SENP2: variants seen among roughly 807,000 people sequenced by gnomAD.
SENP2 encodes sentrin-specific protease 2.
A neutral mutation model predicts 86.3 loss-of-function variants in SENP2; 16 were observed. The ratio of observed to expected loss-of-function variants is 0.19; its 90% confidence interval spans 0.13 to 0.28. The LOEUF is 0.28. SENP2 is among the 10% of genes least tolerant of loss of function. SENP2 has a pLI of 1.00. For missense variants in SENP2, 552 were observed against 703.0 expected, an observed-to-expected ratio of 0.79 and a Z score of 2.43; for synonymous variants, 222 against 238.7, an observed-to-expected ratio of 0.93 and a Z score of 0.64.
intron 12 of SENP2, among the ~76,000 whole-genome samples, chr3:185,618,667 A>T (rs1711716214): frequency 6.6e-6 from 1 of 152,136 alleles, no homozygotes. Context: ...TCACGAGGTC[A>T]GGAGACCGAG....
At chr3:185,613,532 T>A in intron 10 of SENP2, 124 bp downstream of exon 10, 4 of 582,886 alleles carry the variant, frequency 6.9e-6, no homozygotes, top group Admixed American at 3.2e-5. Flanking sequence ...TGTTTTTCTT[T>A]AAAAAAGCAG....
At chr3:185,624,875 A>G (rs544304113) in intron 15 of SENP2, among the ~76,000 whole-genome samples, 41 of 152,096 alleles carry the variant, frequency 2.7e-4, no homozygotes, top group Admixed American at 5.9e-4. Flanking sequence ...CAAAAAAAAA[A>G]AAAAGAAAAA....
chr3:185,620,178 T>G (rs1197244507), intron 13 of SENP2, among the ~76,000 whole-genome samples: 2 of 152,124 alleles, frequency 1.3e-5, no homozygotes, highest in South Asian at 2.1e-4. Context: ...TCCTTTCACT[T>G]TAGCCTCCCA....
chr3:185,624,701 C>A (rs1243287250), intron 15 of SENP2, among the ~76,000 whole-genome samples: 1 of 151,834 alleles, frequency 6.6e-6, no homozygotes, highest in African/African-American at 2.4e-5. Flanking sequence ...CATGACAAAA[C>A]CTTGTCACCA....
intron 16 of SENP2, 30 bp from the exon 17 acceptor site, chr3:185,629,752 T>C (rs373584946): frequency 1.5e-4 from 245 of 1,611,750 alleles, no homozygotes; most frequent in Non-Finnish European, 2.0e-4. Flanking sequence ...TAATATGTAA[T>C]GCGGGCGTTG....
At chr3:185,596,808 G>C (rs1467351377) in intron 2 of SENP2, among the ~76,000 whole-genome samples, 1 of 151,950 alleles carries the variant, frequency 6.6e-6, no homozygotes, top group Non-Finnish European at 1.5e-5. Context: ...GCTCCTTGTT[G>C]TTTAATCATG....
intron 9 of SENP2, among the ~76,000 whole-genome samples, chr3:185,612,945 A>T (rs1722743213): frequency 6.6e-6 from 1 of 152,198 alleles, no homozygotes; most frequent in Non-Finnish European, 1.5e-5. Context: ...CAGTGTCTTT[A>T]GGATAGGAAC....
intron 2 of SENP2, among the ~76,000 whole-genome samples, chr3:185,595,013 C>G (rs980824940): frequency 6.6e-6 from 1 of 152,080 alleles, no homozygotes; most frequent in South Asian, 2.1e-4. Flanking sequence ...TGTGAGCCAC[C>G]GTACCTGGCT....
chr3:185,623,047 C>T (rs2148994724), intron 14 of SENP2, among the ~76,000 whole-genome samples: 1 of 152,162 alleles, frequency 6.6e-6, no homozygotes, highest in African/African-American at 2.4e-5. Context: ...GAACTCCCAA[C>T]CTCAGGTGAT....
chr3:185,618,373 A>T (rs1192200784), intron 12 of SENP2, among the ~76,000 whole-genome samples: 2 of 152,142 alleles, frequency 1.3e-5, no homozygotes, highest in Non-Finnish European at 2.9e-5. Flanking sequence ...GCAAAAGCTA[A>T]CTCTTAAGTT....
At chr3:185,601,415 T>C (rs1324600773) in intron 5 of SENP2, among the ~76,000 whole-genome samples, 1 of 152,200 alleles carries the variant, frequency 6.6e-6, no homozygotes, top group African/African-American at 2.4e-5. Flanking sequence ...AATTGCCACT[T>C]ACTTTATTCT....
intron 11 of SENP2, among the ~76,000 whole-genome samples, chr3:185,616,211 G>A (rs1331819278): frequency 5.0e-5 from 7 of 140,944 alleles, no homozygotes; most frequent in Admixed American, 7.1e-5. Context: ...GGTGGCTCAC[G>A]CCTGTAATCC....
Position 185,617,630 on chromosome 3 carries a change from C to A in SENP2, c.1242+19C>A. The A allele has an allele frequency of 6.2e-7, 1 of 1,606,144 alleles. No homozygotes were observed. Among genetic ancestry groups the A allele is most frequent in the Non-Finnish European group, 8.5e-7 (1 of 1,175,386 alleles). ...TGATGAAGTAAGTTGTATTCCCTCCCCCTTTTGGCTATCATTAAGTTTATT... is the reference window on the plus strand; with the variant it reads ...TGATGAAGTAAGTTGTATTCCCTCCACCTTTTGGCTATCATTAAGTTTATT... On this transcript the variant is annotated intron_variant, in intron 12 of 16. Transcript: ENST00000296257.
chr3:185,594,228 C>T (rs997711144), intron 2 of SENP2, among the ~76,000 whole-genome samples: 7 of 150,974 alleles, frequency 4.6e-5, no homozygotes, highest in African/African-American at 1.2e-4. Flanking sequence ...TTATTTAGGA[C>T]AATCATCTGT....
intron 1 of SENP2, among the ~76,000 whole-genome samples, chr3:185,587,569 A>ATTTTTTTTTTTT (rs1491115475): frequency 9.7e-6 from 1 of 103,208 alleles, no homozygotes; most frequent in African/African-American, 3.9e-5. Flanking sequence ...ATCAAGTGTT[A>ATTTTTTTTTTTT]ATTTTTTTTT....
At position 185,619,551 on chromosome 3, in the gene SENP2, T is replaced by C. The variant is rs1290235438; in HGVS notation, c.1446+49T>C. 8 of 1,502,642 alleles carry C rather than the reference T, an allele frequency of 5.3e-6. No individual in the cohort carries two copies. The South Asian group carries it at 9.1e-5, about 17-fold the overall frequency. The allele number at this position is 1,502,642 out of a possible 1,614,324, so 93.1% of individuals were successfully genotyped here. A position where few individuals can be genotyped will look rare whatever the true frequency, so the allele number is the denominator to read the frequency against. On this transcript the variant is annotated intron_variant, in intron 13 of 16. Coordinates refer to ENST00000296257, the MANE Select transcript of SENP2 (RefSeq NM_021627.3). ...AATTGTTGGACTTGGATAAAGGCCA[T>C]TTTTTAAAAATAATGCTGCCTTTTT...
chr3:185,617,428 G>T, intron 11 of SENP2, 52 bp from the exon 12 acceptor site: 1 of 1,499,120 alleles, frequency 6.7e-7, no homozygotes, highest in South Asian at 1.4e-5. Context: ...TTCAATAACT[G>T]ATAATGAATG....
At chr3:185,623,445 A>AT (rs1560201430) in intron 14 of SENP2, among the ~76,000 whole-genome samples, 1 of 152,082 alleles carries the variant, frequency 6.6e-6, no homozygotes, top group Non-Finnish European at 1.5e-5. Context: ...GGCCTATGTT[A>AT]TTTTTTGTAT....
rs73056896 is a variant in SENP2, at chr3:185,611,322, T to C, written c.723-329T>C. ...TTTTAATGTATTGTTTCAGGATCCA[T>C]TTAAATACATAGCTTAAAAAGTTTT... On this transcript the variant is annotated intron_variant, in intron 7 of 16. Coordinates refer to ENST00000296257, the MANE Select transcript of SENP2 (RefSeq NM_021627.3). Among the ~76,000 whole-genome samples, 739 of 152,318 alleles carry C rather than the reference T, an allele frequency of 4.9e-3. 8 individuals carry two copies. The highest frequency in any genetic ancestry group is 0.016 in the African/African-American group (651 of 41,582).
Sources: allele counts gnomAD v4.1 joint callset (sites outside exome capture counted in the v4.1 genomes callset), GRCh38; gene constraint gnomAD v4.1.1; transcripts MANE v1.5; gene names NCBI Gene and HGNC (gene_info 2026-07-23, HGNC 2026-07-21).